The following IL1RAPL1 variants were observed in gnomAD, a reference collection of about 807,000 sequenced individuals.
IL1RAPL1 encodes interleukin-1 receptor accessory protein-like 1.
In IL1RAPL1, 3 loss-of-function variants were observed where a neutral mutation model predicts 48.4. That is an observed-to-expected ratio of 0.06 (90% CI 0.03 to 0.16). IL1RAPL1 has a LOEUF of 0.16. IL1RAPL1 is among the 10% of genes least tolerant of loss of function. IL1RAPL1 has a pLI of 1.00. For missense variants in IL1RAPL1, 349 were observed against 530.6 expected (o/e 0.66, Z 3.36); for synonymous variants, 185 against 187.7 (o/e 0.99, Z 0.12).
chrX:29,582,360 T>A (rs925568653), intron 5 of IL1RAPL1, among the ~76,000 whole-genome samples: 1 of 106,027 alleles, frequency 9.4e-6, no homozygotes, highest in Non-Finnish European at 1.9e-5. Context: ...TTTTTTTTTT[T>A]ATTTTTTTAT....
chrX:28,903,955 T>C (rs1923150876), intron 2 of IL1RAPL1, among the ~76,000 whole-genome samples: 2 of 109,995 alleles, frequency 1.8e-5, no homozygotes, highest in Admixed American at 9.8e-5. Context: ...ATATATTATA[T>C]ATTTATATAT....
chrX:29,448,571 C>T (rs1313452533), intron 5 of IL1RAPL1, among the ~76,000 whole-genome samples: 2 of 111,779 alleles, frequency 1.8e-5, no homozygotes, highest in East Asian at 2.8e-4. Context: ...AAAGTAAATG[C>T]GTAAAAGAAA....
intron 6 of IL1RAPL1, among the ~76,000 whole-genome samples, chrX:29,887,697 T>A (rs942379439): frequency 1.8e-5 from 2 of 111,025 alleles, no homozygotes; most frequent in African/African-American, 6.6e-5. Flanking sequence ...TAGGTCAGAA[T>A]GATTTCTAAG....
intron 5 of IL1RAPL1, among the ~76,000 whole-genome samples, chrX:29,515,406 C>T (rs1935435440): frequency 8.9e-6 from 1 of 111,877 alleles, no homozygotes; most frequent in Non-Finnish European, 1.9e-5. Flanking sequence ...ATACCACTTC[C>T]CTTCTGCTGT....
intron 2 of IL1RAPL1, among the ~76,000 whole-genome samples, chrX:29,110,618 A>G (rs1363945000): frequency 1.8e-5 from 2 of 111,874 alleles, no homozygotes; most frequent in East Asian, 5.6e-4. Flanking sequence ...GAAAATTGTA[A>G]TGCTGAGCTG....
intron 6 of IL1RAPL1, among the ~76,000 whole-genome samples, chrX:29,739,363 G>T (rs1357006219): frequency 3.6e-5 from 4 of 110,301 alleles, no homozygotes; most frequent in Non-Finnish European, 5.7e-5. Flanking sequence ...TAATTTTGGG[G>T]AAAAGAAAAC....
At chrX:29,027,374 T>C (rs1926509421) in intron 2 of IL1RAPL1, among the ~76,000 whole-genome samples, 1 of 112,273 alleles carries the variant, frequency 8.9e-6, no homozygotes, top group Non-Finnish European at 1.9e-5. Flanking sequence ...GCTTGATAGC[T>C]CATTTGTTTT....
At chrX:29,459,959 A>T (rs1408270448) in intron 5 of IL1RAPL1, among the ~76,000 whole-genome samples, 1 of 111,663 alleles carries the variant, frequency 9.0e-6, no homozygotes, top group East Asian at 2.8e-4. Context: ...CTAAGAATTC[A>T]ACCTTTTTAG....
chrX:29,675,113 A>G (rs1926242768), intron 6 of IL1RAPL1, among the ~76,000 whole-genome samples: 1 of 112,427 alleles, frequency 8.9e-6, no homozygotes, highest in African/African-American at 3.2e-5. Context: ...GTCAAATGGT[A>G]GTTCTGTTTT....
At chrX:29,063,260 C>T (rs897796143) in intron 2 of IL1RAPL1, among the ~76,000 whole-genome samples, 10 of 111,198 alleles carry the variant, frequency 9.0e-5, no homozygotes, top group Non-Finnish European at 1.9e-4. Context: ...TAAATATATA[C>T]AAAATAGAGA....
intron 2 of IL1RAPL1, among the ~76,000 whole-genome samples, chrX:29,097,912 C>T (rs769455912): frequency 8.9e-6 from 1 of 111,963 alleles, no homozygotes; most frequent in African/African-American, 3.2e-5. Flanking sequence ...CTTCCAGACC[C>T]TTCTTTTGAT....
At chrX:29,156,595 G>A (rs188796250) in intron 2 of IL1RAPL1, among the ~76,000 whole-genome samples, 275 of 111,163 alleles carry the variant, frequency 2.5e-3, no homozygotes, top group Non-Finnish European at 4.2e-3. Context: ...TCACCTGGGC[G>A]TAAAAACCTC....
intron 5 of IL1RAPL1, among the ~76,000 whole-genome samples, chrX:29,594,213 T>C (rs1923471136): frequency 8.9e-6 from 1 of 112,209 alleles, no homozygotes; most frequent in Admixed American, 9.5e-5. Flanking sequence ...TTCCATGTCC[T>C]CTTACAGGAA....
chrX:29,394,999 C>A (rs1185507044), intron 3 of IL1RAPL1, among the ~76,000 whole-genome samples: 3 of 112,162 alleles, frequency 2.7e-5, no homozygotes, highest in Non-Finnish European at 5.6e-5. Context: ...AATAAGGGAG[C>A]TGCTTAAATG....
At chrX:29,886,384 GC>G (rs1416841064) in intron 6 of IL1RAPL1, among the ~76,000 whole-genome samples, 1 of 111,619 alleles carries the variant, frequency 9.0e-6, no homozygotes, top group South Asian at 3.7e-4. Context: ...CATATGTTTT[GC>G]CCCTCTATTT....
intron 6 of IL1RAPL1, among the ~76,000 whole-genome samples, chrX:29,831,762 A>G (rs752586217): frequency 4.5e-5 from 5 of 111,572 alleles, no homozygotes; most frequent in Non-Finnish European, 9.4e-5. Flanking sequence ...ACAAATATAT[A>G]TAGTCAGAAG....
chrX:29,606,119 T>C (rs764536277), intron 5 of IL1RAPL1, among the ~76,000 whole-genome samples: 6 of 112,001 alleles, frequency 5.4e-5, no homozygotes, highest in Non-Finnish European at 9.4e-5. Context: ...TGTTCCCCAA[T>C]TTATCTTCTT....
intron 6 of IL1RAPL1, among the ~76,000 whole-genome samples, chrX:29,864,326 T>C (rs1421460149): frequency 8.9e-6 from 1 of 112,370 alleles, no homozygotes; most frequent in Non-Finnish European, 1.9e-5. Context: ...AATGTTAATA[T>C]GCTTTGGAAA....
At chrX:28,601,972 G>T (rs1934031560) in intron 1 of IL1RAPL1, among the ~76,000 whole-genome samples, 2 of 109,354 alleles carry the variant, frequency 1.8e-5, no homozygotes, top group African/African-American at 3.3e-5. Flanking sequence ...AGACGTGGTG[G>T]CGCACGCCTG....
Sources: allele counts gnomAD v4.1 joint callset (sites outside exome capture counted in the v4.1 genomes callset), GRCh38; gene constraint gnomAD v4.1.1; transcripts MANE v1.5; gene names NCBI Gene and HGNC (gene_info 2026-07-23, HGNC 2026-07-21).